Variants in RARRES1 observed in about 807,000 individuals in gnomAD.
RARRES1 encodes the protein retinoic acid receptor responder protein 1.
RARRES1 carries 34 observed loss-of-function variants against 30.6 expected under a neutral mutation model. The ratio of observed to expected loss-of-function variants is 1.11; its 90% CI spans 0.84 to 1.48. The LOEUF is 1.48. Ranked by LOEUF, RARRES1 falls within the 40% of genes most tolerant of loss-of-function variation. The pLI, the probability that RARRES1 is intolerant of heterozygous loss-of-function variation, is 0.00. For missense variants in RARRES1, 373 were observed against 386.5 expected, an observed-to-expected ratio of 0.97 and a Z score of 0.29; for synonymous variants, 153 against 155.5, an observed-to-expected ratio of 0.98 and a Z score of 0.12.
chr3:158,730,984 T>C (rs1171022124), intron 1 of RARRES1, among the ~76,000 whole-genome samples: 2 of 151,916 alleles, frequency 1.3e-5, no homozygotes, highest in African/African-American at 4.8e-5. Context: ...GGTTTCTCCA[T>C]GTTGGTCAGG....
chr3:158,700,971 T>G (rs567016678), intron 4 of RARRES1, among the ~76,000 whole-genome samples: 1 of 152,232 alleles, frequency 6.6e-6, no homozygotes, highest in East Asian at 1.9e-4. Flanking sequence ...AGAATTAGAT[T>G]TGTTAGTAAT....
At chr3:158,717,561 G>A (rs1727362019) in intron 1 of RARRES1, among the ~76,000 whole-genome samples, 1 of 152,256 alleles carries the variant, frequency 6.6e-6, no homozygotes, top group Admixed American at 6.5e-5. Context: ...CCGGTAAGAG[G>A]CTGACTGGGT....
intron 4 of RARRES1, among the ~76,000 whole-genome samples, chr3:158,699,010 G>C (rs73156492): frequency 0.16 from 24,083 of 152,094 alleles, 1,988 homozygotes; most frequent in South Asian, 0.22. Flanking sequence ...ACCAGGAGAA[G>C]GCCTTAAGAG....
chr3:158,724,024 A>T (rs1727596667), intron 1 of RARRES1, among the ~76,000 whole-genome samples: 1 of 152,244 alleles, frequency 6.6e-6, no homozygotes, highest in South Asian at 2.1e-4. Flanking sequence ...ATAGGCAAGC[A>T]CATGGGCAGA....
At chr3:158,715,889 C>T (rs929560151) in intron 1 of RARRES1, among the ~76,000 whole-genome samples, 3 of 152,162 alleles carry the variant, frequency 2.0e-5, no homozygotes, top group Non-Finnish European at 4.4e-5. Flanking sequence ...GTGGGAGGAA[C>T]ACAGGGCTGT....
chr3:158,730,371 CCT>C (rs1727837611), intron 1 of RARRES1, among the ~76,000 whole-genome samples: 2 of 53,654 alleles, frequency 3.7e-5, no homozygotes, highest in African/African-American at 1.5e-4. Flanking sequence ...GTTGCTCCTT[CCT>C]TCCTTCCTTC....
intron 1 of RARRES1, among the ~76,000 whole-genome samples, chr3:158,727,430 G>T (rs1422286436): frequency 6.6e-6 from 1 of 152,202 alleles, no homozygotes; most frequent in Non-Finnish European, 1.5e-5. Flanking sequence ...GTGGATTCCA[G>T]AATGGGTTGA....
intron 4 of RARRES1, among the ~76,000 whole-genome samples, chr3:158,704,210 C>CTTTTTTTTTT (rs78169321): frequency 1.2e-5 from 1 of 82,808 alleles, no homozygotes; most frequent in Non-Finnish European, 2.3e-5. Context: ...TATTGCAATA[C>CTTTTTTTTTT]TTTTTTTTTT....
At chr3:158,706,771 ATGT>A (rs1197813489) in intron 3 of RARRES1, among the ~76,000 whole-genome samples, 1 of 152,264 alleles carries the variant, frequency 6.6e-6, no homozygotes, top group Non-Finnish European at 1.5e-5. Flanking sequence ...ATACCATTAA[ATGT>A]AGGACAGAAA....
At chr3:158,699,720 G>A (rs113954561) in intron 4 of RARRES1, among the ~76,000 whole-genome samples, 405 of 152,128 alleles carry the variant, frequency 2.7e-3, no homozygotes, top group South Asian at 0.012. Context: ...GGTTTCCCTC[G>A]TCTCTCACAG....
intron 4 of RARRES1, chr3:158,704,547 G>A (rs1011058890): frequency 3.7e-5 from 17 of 457,256 alleles, no homozygotes; most frequent in African/African-American, 3.2e-4. Flanking sequence ...TTAGCTCACT[G>A]TCTCTTTTTA....
chr3:158,725,203 T>C (rs927594423), intron 1 of RARRES1, among the ~76,000 whole-genome samples: 3 of 152,188 alleles, frequency 2.0e-5, no homozygotes, highest in African/African-American at 7.2e-5. Flanking sequence ...GTGGATTTGT[T>C]ATGGCTACTG....
chr3:158,697,995 G>GT, intron 4 of RARRES1, 25 bp from the exon 5 acceptor site: 1 of 1,434,432 alleles, frequency 7.0e-7, no homozygotes, highest in South Asian at 1.2e-5. Context: ...AAGAGTTAGT[G>GT]TAATAAATAT....
At position 158,728,516 on chromosome 3, in the gene RARRES1, C is replaced by CTT. The variant is rs755791546; in HGVS notation, c.276+3622_276+3623dup. On this transcript the variant is annotated intron_variant, in intron 1 of 5. Transcript: ENST00000237696. ...GATCAATCGTGGTTTCTTTTTCTTTCTTTTTTTTTTTTTTTTTTGGTTTTT... is the reference window on the plus strand; with the variant it reads ...GATCAATCGTGGTTTCTTTTTCTTTCTTTTTTTTTTTTTTTTTTTTGGTTTTT... Among the ~76,000 whole-genome samples, 124 of 133,920 alleles carry CTT rather than the reference C, an allele frequency of 9.3e-4. 3 individuals are homozygous for CTT. Among genetic ancestry groups the CTT allele is most frequent in the African/African-American group, 2.9e-3 (100 of 34,828 alleles). The allele number at this position is 133,920 out of a possible 152,430, so 87.9% of individuals were successfully genotyped here. A position where few individuals can be genotyped will look rare whatever the true frequency, so the allele number is the denominator to read the frequency against.
intron 1 of RARRES1, among the ~76,000 whole-genome samples, chr3:158,721,069 T>C (rs1011825034): frequency 1.3e-5 from 2 of 152,148 alleles, no homozygotes; most frequent in East Asian, 3.9e-4. Flanking sequence ...TAAATGAAAG[T>C]ATAACCCAGT....
chr3:158,726,648 G>A (rs1727698136), intron 1 of RARRES1, among the ~76,000 whole-genome samples: 1 of 152,260 alleles, frequency 6.6e-6, no homozygotes. Flanking sequence ...TGTTGAATTG[G>A]TGTTAATAAG....
At chr3:158,719,921 A>G (rs768250895) in intron 1 of RARRES1, among the ~76,000 whole-genome samples, 12 of 152,196 alleles carry the variant, frequency 7.9e-5, no homozygotes, top group Non-Finnish European at 1.3e-4. Flanking sequence ...ATGAAGCATC[A>G]TTGGAGGGAA....
At position 158,710,826 on chromosome 3, in the gene RARRES1, G is replaced by T. The variant is rs142954846; in HGVS notation, c.447C>A (p.Ile149=). 3.7e-6 allele frequency: 6 copies of T among 1,613,146 alleles called. No individual in the cohort carries two copies. The highest frequency in any genetic ancestry group is 3.3e-5 in the Admixed American group (2 of 59,962). ...PTINVTCTRL[I]EKKKRQQEDY... ...CCTCTTGTTGTCTTTTCTTTTTCTCGATGAGCCGTGTACAAGTTACATTGA... is the reference window on the plus strand; with the variant it reads ...CCTCTTGTTGTCTTTTCTTTTTCTCTATGAGCCGTGTACAAGTTACATTGA... The change falls in exon 3 of 6, where the codon ATC becomes ATA. Residue 149 remains isoleucine (I), a synonymous_variant. Coordinates refer to ENST00000237696, the MANE Select transcript of RARRES1 (RefSeq NM_206963.2).
rs114255370 is a variant in RARRES1, at chr3:158,715,457, G to A, written c.277-1598C>T. Among the ~76,000 whole-genome samples, 562 of 152,294 alleles carry A rather than the reference G, an allele frequency of 3.7e-3. 3 individuals carry two copies. Among genetic ancestry groups the A allele is most frequent in the Non-Finnish European group, 6.5e-3 (445 of 68,032 alleles). On this transcript the variant is annotated intron_variant, in intron 1 of 5. Transcript: ENST00000237696. ...GGAGAAAAGGTGTCTGGGGAGGTGG[G>A]TGCAAGGGCATGGAAAGCCTCACTT...
Sources: gnomAD v4.1 joint callset for allele counts (sites outside exome capture counted in the v4.1 genomes callset) on GRCh38, gnomAD v4.1.1 for gene constraint, MANE v1.5 for transcripts, NCBI Gene and HGNC (gene_info 2026-07-23, HGNC 2026-07-21) for gene names.